Variants in KCNK13 observed in about 807,000 individuals in gnomAD.
The protein encoded by KCNK13 is potassium two pore domain channel subfamily K member 13.
A neutral mutation model predicts 23.4 loss-of-function variants in KCNK13; 12 were observed. The ratio of observed to expected loss-of-function variants is 0.51; its 90% CI spans 0.33 to 0.83. The LOEUF (loss-of-function observed/expected upper bound fraction) is 0.83. KCNK13 is among the 40% of genes least tolerant of loss of function. The pLI is 0.02. For synonymous variants in KCNK13, 231 were observed against 229.5 expected, an observed-to-expected ratio of 1.01 and a Z score of -0.06; for missense variants, 463 against 556.3, an observed-to-expected ratio of 0.83 and a Z score of 1.69.
chr14:90,100,460 C>A (rs1367490453), intron 1 of KCNK13, among the ~76,000 whole-genome samples: 1 of 152,074 alleles, frequency 6.6e-6, no homozygotes, highest in Admixed American at 6.6e-5. Flanking sequence ...CTTCTGTTTG[C>A]TGGAGAGAAC....
chr14:90,122,668 G>A (rs188342680), intron 1 of KCNK13, among the ~76,000 whole-genome samples: 160 of 151,894 alleles, frequency 1.1e-3, no homozygotes, highest in Non-Finnish European at 1.9e-3. Context: ...TTTTGTTTGC[G>A]ACACGATATT....
At chr14:90,125,950 G>A (rs1348131593) in intron 1 of KCNK13, among the ~76,000 whole-genome samples, 1 of 151,832 alleles carries the variant, frequency 6.6e-6, no homozygotes, top group Non-Finnish European at 1.5e-5. Context: ...CCTGAGCCTG[G>A]GGAGGTTGAG....
At chr14:90,152,654 G>A (rs549141718) in intron 1 of KCNK13, among the ~76,000 whole-genome samples, 2 of 152,114 alleles carry the variant, frequency 1.3e-5, no homozygotes, top group Non-Finnish European at 1.5e-5. Context: ...AAATTATCCA[G>A]TCTCAGGTAT....
intron 1 of KCNK13, among the ~76,000 whole-genome samples, chr14:90,151,869 T>G (rs752305847): frequency 1.3e-5 from 2 of 152,228 alleles, no homozygotes; most frequent in African/African-American, 2.4e-5. Flanking sequence ...CATCATTTAT[T>G]GAAGAGACTG....
At chr14:90,129,808 G>T (rs1273907755) in intron 1 of KCNK13, among the ~76,000 whole-genome samples, 1 of 151,860 alleles carries the variant, frequency 6.6e-6, no homozygotes, top group Admixed American at 6.6e-5. Context: ...ATGTCATTTG[G>T]GTGTGTTTTT....
At chr14:90,083,375 T>C (rs1039142080) in intron 1 of KCNK13, among the ~76,000 whole-genome samples, 3 of 152,230 alleles carry the variant, frequency 2.0e-5, no homozygotes, top group Admixed American at 6.5e-5. Flanking sequence ...TTTATACTTA[T>C]GTTTTCTTCT....
chr14:90,095,127 T>G (rs1003278493), intron 1 of KCNK13, among the ~76,000 whole-genome samples: 38 of 152,218 alleles, frequency 2.5e-4, no homozygotes, highest in African/African-American at 9.2e-4. Flanking sequence ...AAGTTCATCT[T>G]TATGGGCAGA....
intron 1 of KCNK13, among the ~76,000 whole-genome samples, chr14:90,076,000 G>A (rs1889130354): frequency 1.3e-5 from 2 of 152,296 alleles, no homozygotes; most frequent in Admixed American, 1.3e-4. Flanking sequence ...ATACTTAGTG[G>A]AGTTGGAGGA....
intron 1 of KCNK13, among the ~76,000 whole-genome samples, chr14:90,099,391 A>G (rs1173954100): frequency 2.0e-5 from 3 of 152,128 alleles, no homozygotes; most frequent in African/African-American, 7.2e-5. Context: ...CAATGTCCCA[A>G]ATAAACTCTG....
At chr14:90,164,379 TTAGCTA>T (rs1199614932) in intron 1 of KCNK13, among the ~76,000 whole-genome samples, 2 of 152,232 alleles carry the variant, frequency 1.3e-5, no homozygotes, top group Admixed American at 1.3e-4. Context: ...AGTGATTCAT[TTAGCTA>T]TGCCTAGAAG....
intron 1 of KCNK13, among the ~76,000 whole-genome samples, chr14:90,145,764 G>T (rs766102960): frequency 6.6e-4 from 101 of 152,222 alleles, no homozygotes; most frequent in Non-Finnish European, 1.2e-3. Flanking sequence ...CACTTTGGGA[G>T]GCCAAAGCTG....
At chr14:90,084,667 G>A (rs950052024) in intron 1 of KCNK13, among the ~76,000 whole-genome samples, 4 of 152,016 alleles carry the variant, frequency 2.6e-5, no homozygotes, top group Non-Finnish European at 5.9e-5. Flanking sequence ...CTGCAATGTC[G>A]AATAGAGATG....
chr14:90,128,417 G>C (rs1889828339), intron 1 of KCNK13, among the ~76,000 whole-genome samples: 1 of 152,128 alleles, frequency 6.6e-6, no homozygotes, highest in South Asian at 2.1e-4. Flanking sequence ...CCCTTGGCCA[G>C]CCGCTCCCTT....
chr14:90,178,231 CAAAAAAAAAA>C (rs34726346), intron 1 of KCNK13, among the ~76,000 whole-genome samples: 8 of 75,078 alleles, frequency 1.1e-4, no homozygotes, highest in African/African-American at 1.3e-4. Flanking sequence ...TTCCTAAAAG[CAAAAAAAAAA>C]AAAAAAAAAA....
At chr14:90,098,525 A>G (rs1889437720) in intron 1 of KCNK13, among the ~76,000 whole-genome samples, 1 of 151,168 alleles carries the variant, frequency 6.6e-6, no homozygotes, top group South Asian at 2.1e-4. Context: ...TGGGCGGATC[A>G]CCTGAGGTCA....
intron 1 of KCNK13, among the ~76,000 whole-genome samples, chr14:90,173,822 C>A (rs188875639): frequency 3.3e-5 from 5 of 152,092 alleles, no homozygotes; most frequent in Non-Finnish European, 5.9e-5. Flanking sequence ...TGTATTAGTC[C>A]GTTTTCACAC....
chr14:90,137,807 T>A (rs8021421), intron 1 of KCNK13, among the ~76,000 whole-genome samples: 1 of 152,226 alleles, frequency 6.6e-6, no homozygotes, highest in African/African-American at 2.4e-5. Context: ...AGTGGTTTGA[T>A]AAAATGGTAA....
chr14:90,100,925 C>G (rs1226175033), intron 1 of KCNK13, among the ~76,000 whole-genome samples: 2 of 152,000 alleles, frequency 1.3e-5, no homozygotes, highest in East Asian at 3.9e-4. Context: ...AACTCTAGGG[C>G]TCAAGCAATC....
At chr14:90,137,200 T>C (rs1293130453) in intron 1 of KCNK13, among the ~76,000 whole-genome samples, 1 of 152,236 alleles carries the variant, frequency 6.6e-6, no homozygotes, top group Non-Finnish European at 1.5e-5. Flanking sequence ...CCCCACTGCA[T>C]TTCCTGCTAG....
Sources: gnomAD v4.1 joint callset for allele counts (sites outside exome capture counted in the v4.1 genomes callset) on GRCh38, gnomAD v4.1.1 for gene constraint, MANE v1.5 for transcripts, NCBI Gene and HGNC (gene_info 2026-07-23, HGNC 2026-07-21) for gene names.